Variants in STAU1 observed in about 807,000 individuals in gnomAD.
STAU1 encodes the protein double-stranded RNA-binding protein Staufen homolog 1.
In STAU1, 13 loss-of-function variants were observed where a neutral mutation model predicts 62.9. The observed-to-expected ratio is 0.21, with a 90% CI of 0.13 to 0.33. STAU1 has a LOEUF of 0.33. Ranked by LOEUF, STAU1 falls within the 10% of genes least tolerant of loss-of-function variation. The probability of loss-of-function intolerance (pLI) is 1.00; values close to 1 mark genes in which losing one functional copy is unlikely to be tolerated. For missense variants in STAU1, 571 were observed against 712.1 expected (o/e 0.80, Z 2.25); for synonymous variants, 269 against 265.1 (o/e 1.01, Z -0.14).
At chr20:49,163,512 G>A (rs1432294788) in intron 3 of STAU1, among the ~76,000 whole-genome samples, 3 of 139,722 alleles carry the variant, frequency 2.1e-5, no homozygotes, top group Non-Finnish European at 1.5e-5. Flanking sequence ...TGCAGCCTCT[G>A]CCTCCCAGGT....
the STAU1 span, among the ~76,000 whole-genome samples, chr20:49,212,132 G>C: frequency 3.9e-5 from 6 of 152,260 alleles, no homozygotes; most frequent in Middle Eastern, 3.4e-3. Flanking sequence ...TGGGACTACA[G>C]GTACATACCA....
intron 3 of STAU1, among the ~76,000 whole-genome samples, chr20:49,161,075 T>C (rs1024828186): frequency 1.3e-5 from 2 of 152,020 alleles, no homozygotes; most frequent in South Asian, 4.1e-4. Context: ...TCCCAGCATT[T>C]TGGGAGGCCA....
At chr20:49,191,578 A>C (rs1325046197), upstream of STAU1, among the ~76,000 whole-genome samples, 1 of 152,160 alleles carries the variant, frequency 6.6e-6, no homozygotes, top group East Asian at 1.9e-4. Context: ...GTCCCTAAGA[A>C]ACAGGGAACA....
upstream of STAU1, among the ~76,000 whole-genome samples, chr20:49,190,796 A>G (rs2093830159): frequency 1.3e-5 from 2 of 152,174 alleles, no homozygotes; most frequent in Admixed American, 6.6e-5. Flanking sequence ...TGTGAGCATT[A>G]AGTATGTTAC....
At chr20:49,183,999 C>T (rs370675725) in intron 1 of STAU1, among the ~76,000 whole-genome samples, 2 of 151,346 alleles carry the variant, frequency 1.3e-5, no homozygotes, top group Non-Finnish European at 2.9e-5. Flanking sequence ...GCACGATAAC[C>T]GCTCACTGCA....
At chr20:49,152,323 C>A in intron 4 of STAU1, among the ~76,000 whole-genome samples, 1 of 145,736 alleles carries the variant, frequency 6.9e-6, no homozygotes. Context: ...TTTTGCTCAT[C>A]ATCTATCCAC....
At chr20:49,147,379 T>C (rs2093151873) in intron 5 of STAU1, among the ~76,000 whole-genome samples, 2 of 152,236 alleles carry the variant, frequency 1.3e-5, no homozygotes, top group South Asian at 4.1e-4. Context: ...CAGCAAGCGC[T>C]GGCTTTACTG....
At chr20:49,209,247 T>C in the STAU1 span, among the ~76,000 whole-genome samples, 1 of 102,978 alleles carries the variant, frequency 9.7e-6, no homozygotes, top group African/African-American at 3.0e-5. Context: ...TGTCTCTATC[T>C]AAAAAGAAAA....
At chr20:49,127,910 G>A (rs1187922732) in intron 6 of STAU1, among the ~76,000 whole-genome samples, 1 of 151,566 alleles carries the variant, frequency 6.6e-6, no homozygotes, top group Non-Finnish European at 1.5e-5. Flanking sequence ...AGCACTTTGG[G>A]AGGCCGAGGC....
chr20:49,199,444 T>G, the STAU1 span, among the ~76,000 whole-genome samples: 1 of 150,838 alleles, frequency 6.6e-6, no homozygotes, highest in Admixed American at 6.6e-5. Context: ...TTGGCCAGGA[T>G]GGTCTCAATC....
In STAU1 at chr20:49,122,533, G is replaced by A. The variant is rs542911442; in HGVS notation, c.966+559C>T. Among the ~76,000 whole-genome samples the A allele has an allele frequency of 2.0e-5, 3 of 152,278 alleles. No individual in the cohort carries two copies. The East Asian group carries it at 5.8e-4, about 29-fold the overall frequency. ...TTACATTCATTTTTTTAAGCATTAA[G>A]ATAAACAACTTAATCTTTGATATGT... On this transcript the variant is annotated intron_variant, in intron 8 of 13. Coordinates refer to ENST00000371856, the MANE Select transcript of STAU1 (RefSeq NM_017453.4).
At chr20:49,206,724 TA>T in the STAU1 span, among the ~76,000 whole-genome samples, 7 of 38,374 alleles carry the variant, frequency 1.8e-4, no homozygotes, top group Admixed American at 1.4e-3. Flanking sequence ...AAATTTTATA[TA>T]TATATATATA....
At chr20:49,204,644 A>T in the STAU1 span, among the ~76,000 whole-genome samples, 587 of 41,040 alleles carry the variant, frequency 0.014, 7 homozygotes, top group East Asian at 0.022. Context: ...ATATATATAT[A>T]TATTTTTTTT....
chr20:49,144,628 T>G (rs74458758), intron 5 of STAU1, among the ~76,000 whole-genome samples: 1 of 152,168 alleles, frequency 6.6e-6, no homozygotes, highest in East Asian at 1.9e-4. Context: ...AGATGAAAAA[T>G]AGAAAAATTC....
At chr20:49,180,333 C>CG (rs1555873862) in intron 1 of STAU1, among the ~76,000 whole-genome samples, 1 of 15,324 alleles carries the variant, frequency 6.5e-5, no homozygotes, top group African/African-American at 4.7e-4. Context: ...TTTTTTTTTT[C>CG]CCCCCCTGGA....
the STAU1 span, among the ~76,000 whole-genome samples, chr20:49,202,230 AAAAGAAAG>A: frequency 6.1e-3 from 794 of 130,388 alleles, 3 homozygotes; most frequent in Admixed American, 8.3e-3. Context: ...AAAAAAAAAA[AAAAGAAAG>A]AAAGAAAGAA....
upstream of STAU1, among the ~76,000 whole-genome samples, chr20:49,190,229 G>A (rs547758103): frequency 1.2e-4 from 18 of 152,314 alleles, no homozygotes; most frequent in African/African-American, 4.3e-4. Flanking sequence ...AGGGACAAAA[G>A]TGGTGGGTCT....
At chr20:49,188,387 C>T (rs2146665120), upstream of STAU1, 1 of 151,632 alleles carries the variant, frequency 6.6e-6, no homozygotes, top group South Asian at 1.9e-4. Flanking sequence ...GGGGCAGGCG[C>T]CCGCCCCCGG....
At chr20:49,163,284 T>C (rs1207597282) in intron 3 of STAU1, among the ~76,000 whole-genome samples, 1 of 152,180 alleles carries the variant, frequency 6.6e-6, no homozygotes. Context: ...ATTGTTTTTA[T>C]TTATTATCCC....
Sources: allele counts gnomAD v4.1 joint callset (sites outside exome capture counted in the v4.1 genomes callset), GRCh38; gene constraint gnomAD v4.1.1; transcripts MANE v1.5; gene names NCBI Gene and HGNC (gene_info 2026-07-23, HGNC 2026-07-21).